TOR1AIP2: variants seen among roughly 807,000 people sequenced by gnomAD.
TOR1AIP2 encodes the protein torsin-1A-interacting protein 2.
A neutral mutation model predicts 32.6 loss-of-function variants in TOR1AIP2; 20 were observed. The observed-to-expected ratio is 0.61, with a 90% CI of 0.43 to 0.89. TOR1AIP2 has a LOEUF of 0.89. Ranked by LOEUF, TOR1AIP2 falls within the 40% of genes least tolerant of loss-of-function variation. TOR1AIP2 has a pLI of 0.00. For missense variants in TOR1AIP2, 456 were observed against 553.8 expected (o/e 0.82, Z 1.77); for synonymous variants, 214 against 210.8 (o/e 1.02, Z -0.13).
chr1:179,854,788 T>C (rs1386917179), intron 3 of TOR1AIP2, among the ~76,000 whole-genome samples: 1 of 152,164 alleles, frequency 6.6e-6, no homozygotes, highest in Non-Finnish European at 1.5e-5. Context: ...AGAGAATCGT[T>C]TGAACCCGGG....
intron 3 of TOR1AIP2, 85 bp from the exon 4 acceptor site, chr1:179,852,896 G>A (rs1033859482): frequency 2.0e-6 from 2 of 1,022,116 alleles, no homozygotes; most frequent in East Asian, 3.8e-5. Context: ...TTAAATATGT[G>A]TAGCTTGAGT....
At chr1:179,856,197 T>C (rs548098608) in intron 3 of TOR1AIP2, among the ~76,000 whole-genome samples, 1 of 152,264 alleles carries the variant, frequency 6.6e-6, no homozygotes, top group South Asian at 2.1e-4. Context: ...AAATGTTTAA[T>C]ATCTTTACTG....
At chr1:179,876,218 T>C (rs1002526031) in intron 2 of TOR1AIP2, 1 of 152,194 alleles carries the variant, frequency 6.6e-6, no homozygotes, top group African/African-American at 2.4e-5. Flanking sequence ...TGGAAATGAA[T>C]GGAATACAGA....
At chr1:179,851,401 A>T in intron 4 of TOR1AIP2, 38 bp from the exon 5 acceptor site, 1 of 1,425,844 alleles carries the variant, frequency 7.0e-7, no homozygotes, top group Non-Finnish European at 9.2e-7. Flanking sequence ...ATTGGAAAAA[A>T]TTCCCCATAA....
chr1:179,875,953 G>A (rs1039107524), intron 2 of TOR1AIP2: 4 of 152,206 alleles, frequency 2.6e-5, no homozygotes, highest in African/African-American at 9.6e-5. Flanking sequence ...TTCATATGAT[G>A]TAGAAATATT....
chr1:179,870,643 G>A (rs1696979374), intron 2 of TOR1AIP2, among the ~76,000 whole-genome samples: 2 of 151,914 alleles, frequency 1.3e-5, no homozygotes, highest in African/African-American at 4.8e-5. Context: ...AATCGGATAT[G>A]TAGATCTGCC....
chr1:179,861,281 C>A (rs1361819815), intron 3 of TOR1AIP2: 2 of 984,482 alleles, frequency 2.0e-6, no homozygotes, highest in Non-Finnish European at 2.4e-6. Flanking sequence ...TAATAAAATT[C>A]ATTATTCATA....
Position 179,851,382 on chromosome 1 carries a change from A to G in TOR1AIP2, c.35-19T>C. 6.8e-7 allele frequency: 1 copy of G among 1,477,030 alleles called. No individual in the cohort carries two copies. The highest frequency in any genetic ancestry group is 8.9e-7 in the Non-Finnish European group (1 of 1,121,906). The allele number at this position is 1,477,030 out of a possible 1,614,324, so 91.5% of individuals were successfully genotyped here. A position where few individuals can be genotyped will look rare whatever the true frequency, so the allele number is the denominator to read the frequency against. On this transcript the variant is annotated intron_variant, in intron 4 of 6. Coordinates refer to ENST00000609928, the MANE Select transcript of TOR1AIP2 (RefSeq NM_001199260.2). ...TGAGAGTCTATTGAGATAAAAGTTT[A>G]TAATTTTTATTGGAAAAAATTCCCC...
intron 3 of TOR1AIP2, chr1:179,860,884 A>T: frequency 1.0e-6 from 1 of 985,458 alleles, no homozygotes. Flanking sequence ...GACAGCTATG[A>T]CATGTGGACT....
intron 3 of TOR1AIP2, among the ~76,000 whole-genome samples, chr1:179,857,045 A>G (rs1413276332): frequency 6.6e-6 from 1 of 152,232 alleles, no homozygotes. Context: ...GAGACTTTCT[A>G]CAGCTGTAGG....
intron 3 of TOR1AIP2, among the ~76,000 whole-genome samples, chr1:179,853,038 G>A (rs916927657): frequency 6.6e-6 from 1 of 152,142 alleles, no homozygotes; most frequent in Non-Finnish European, 1.5e-5. Flanking sequence ...ATATATTCCA[G>A]CATAGTTGAA....
intron 3 of TOR1AIP2, chr1:179,863,953 A>C: frequency 1.0e-6 from 1 of 985,356 alleles, no homozygotes; most frequent in South Asian, 4.7e-5. Context: ...CTTCCTCTAG[A>C]CTGTTCATAA....
At chr1:179,859,746 C>T (rs1696445410) in intron 3 of TOR1AIP2, 2 of 985,302 alleles carry the variant, frequency 2.0e-6, no homozygotes, top group African/African-American at 3.5e-5. Context: ...AATCTTTACA[C>T]CCAAGACCAT....
In TOR1AIP2 at chr1:179,845,165, T is replaced by C. The variant is rs935384897; in HGVS notation, c.*906A>G. ...TAAACATATTTCCTATCTTCTAAGA[T>C]GTTTTTTCACTTAATCAATGGTTTT... is the stretch of plus-strand genomic sequence containing the variant. On this transcript the variant is annotated 3_prime_UTR_variant, in exon 7 of 7. Coordinates refer to ENST00000609928, the MANE Select transcript of TOR1AIP2 (RefSeq NM_001199260.2). 23 of 152,346 alleles carry C rather than the reference T, an allele frequency of 1.5e-4. No individual in the cohort carries two copies. The highest frequency in any genetic ancestry group is 9.2e-4 in the Admixed American group (14 of 15,296). The allele number at this position is 152,346 out of a possible 1,614,324, so 9.4% of individuals were successfully genotyped here. A position where few individuals can be genotyped will look rare whatever the true frequency, so the allele number is the denominator to read the frequency against.
At position 179,851,357 on chromosome 1, in the gene TOR1AIP2, TG is replaced by T. The variant is rs781661387; in HGVS notation, c.40del (p.Gln14LysfsTer10). ...TGATGGATCATTTTCCAAATCCTTT[TG>T]AGAGTCTATTGAGATAAAAGTTTAT... ...SGLREPQEDS[Q>X]KDLENDPSVN... On this transcript the variant is annotated frameshift_variant, in exon 5 of 7. Transcript: ENST00000609928. LOFTEE classifies it high-confidence loss of function. The T allele has an allele frequency of 6.4e-7, 1 of 1,554,832 alleles. No homozygotes were observed. Among genetic ancestry groups the T allele is most frequent in the Non-Finnish European group, 8.6e-7 (1 of 1,159,722 alleles).
chr1:179,856,248 A>G (rs918932808), intron 3 of TOR1AIP2, among the ~76,000 whole-genome samples: 6 of 152,206 alleles, frequency 3.9e-5, no homozygotes, highest in Non-Finnish European at 7.3e-5. Flanking sequence ...AAATCTGTAC[A>G]TTAATTGTAT....
chr1:179,863,923 C>T, intron 3 of TOR1AIP2: 2 of 985,352 alleles, frequency 2.0e-6, no homozygotes, highest in Non-Finnish European at 2.4e-6. Flanking sequence ...CAGCAGACCT[C>T]CTTAGTTCTA....
At chr1:179,860,050 G>T in intron 3 of TOR1AIP2, 1 of 819,588 alleles carries the variant, frequency 1.2e-6, no homozygotes, top group Non-Finnish European at 1.5e-6. Flanking sequence ...GTCTCACTAT[G>T]TTGCTCAGGC....
At chr1:179,848,926 C>A (rs536887745) in intron 5 of TOR1AIP2, among the ~76,000 whole-genome samples, 6 of 151,776 alleles carry the variant, frequency 4.0e-5, no homozygotes, top group Non-Finnish European at 5.9e-5. Flanking sequence ...GTCAGGAGAT[C>A]GAGACCATCC....
Sources: allele counts gnomAD v4.1 joint callset (sites outside exome capture counted in the v4.1 genomes callset), GRCh38; gene constraint gnomAD v4.1.1; transcripts MANE v1.5; gene names NCBI Gene and HGNC (gene_info 2026-07-23, HGNC 2026-07-21).